The following ING5 variants were observed in gnomAD, a reference collection of about 807,000 sequenced individuals.
The protein encoded by ING5 is inhibitor of growth protein 5.
Under a neutral mutation model 37.4 loss-of-function variants are expected in ING5, and 17 were observed. That is an observed-to-expected ratio of 0.45 (90% CI 0.31 to 0.68). The LOEUF (loss-of-function observed/expected upper bound fraction) is 0.68. Among genes scored for constraint, ING5 ranks in the 30% least tolerant of loss-of-function variants. The probability of loss-of-function intolerance (pLI) is 0.05; values close to 1 mark genes in which losing one functional copy is unlikely to be tolerated. For missense variants in ING5, 233 were observed against 311.9 expected, an observed-to-expected ratio of 0.75 and a Z score of 1.91; for synonymous variants, 123 against 116.6, an observed-to-expected ratio of 1.06 and a Z score of -0.36.
chr2:241,719,738 G>A (rs1327972585), intron 5 of ING5: 2 of 1,460,910 alleles, frequency 1.4e-6, no homozygotes, highest in African/African-American at 2.8e-5. Flanking sequence ...CTCAGGAACA[G>A]CCAGCACCTC....
chr2:241,721,265 G>A (rs2124947600), intron 5 of ING5: 1 of 985,486 alleles, frequency 1.0e-6, no homozygotes, highest in South Asian at 4.7e-5. Flanking sequence ...GCTGTCAGAG[G>A]AGAGACCCGA....
At chr2:241,717,839 C>T (rs1367019392) in intron 5 of ING5, among the ~76,000 whole-genome samples, 2 of 151,958 alleles carry the variant, frequency 1.3e-5, no homozygotes, top group Admixed American at 1.3e-4. Flanking sequence ...TACTTTGCAT[C>T]GAATTTGGAA....
intron 1 of ING5, among the ~76,000 whole-genome samples, chr2:241,688,281 T>C (rs1030232112): frequency 6.9e-6 from 1 of 144,418 alleles, no homozygotes. Context: ...GCCAGAAATA[T>C]AGATGAAATT....
intron 5 of ING5, chr2:241,721,287 G>A (rs2070428705): frequency 1.0e-6 from 1 of 985,494 alleles, no homozygotes; most frequent in Non-Finnish European, 1.2e-6. Context: ...GACTACTTGA[G>A]ACTGTTGCTT....
chr2:241,690,706 C>T (rs1490291344), intron 2 of ING5: 1 of 398,106 alleles, frequency 2.5e-6, no homozygotes, highest in Non-Finnish European at 4.4e-6. Context: ...TCTGTGTGGT[C>T]AGAGATACAG....
chr2:241,701,989 C>A (rs1330740394), upstream of ING5: 2 of 1,077,736 alleles, frequency 1.9e-6, no homozygotes, highest in South Asian at 2.5e-5. Flanking sequence ...GAATAGTGAG[C>A]GCGCTGGCAC....
chr2:241,706,485 C>T (rs766962747), intron 2 of ING5, among the ~76,000 whole-genome samples: 4 of 151,860 alleles, frequency 2.6e-5, no homozygotes, highest in Admixed American at 6.6e-5. Flanking sequence ...CAAAATTAGC[C>T]GGGTGTGGTG....
chr2:241,718,015 T>G (rs1467070795), intron 5 of ING5, among the ~76,000 whole-genome samples: 1 of 152,208 alleles, frequency 6.6e-6, no homozygotes, highest in Non-Finnish European at 1.5e-5. Flanking sequence ...TTGTTTCTAT[T>G]ACTTTATTTA....
chr2:241,702,903 G>A (rs1221133232), intron 1 of ING5, among the ~76,000 whole-genome samples: 3 of 152,246 alleles, frequency 2.0e-5, no homozygotes, highest in South Asian at 4.1e-4. Flanking sequence ...GGTTGTGCCG[G>A]GTGGCTCTGG....
intron 2 of ING5, among the ~76,000 whole-genome samples, chr2:241,708,090 G>T (rs1368411570): frequency 6.6e-6 from 1 of 152,034 alleles, no homozygotes; most frequent in Non-Finnish European, 1.5e-5. Flanking sequence ...AAGAGACGGG[G>T]TTTCACCACA....
chr2:241,699,439 G>A (rs1229977154), upstream of ING5, among the ~76,000 whole-genome samples: 2 of 152,066 alleles, frequency 1.3e-5, no homozygotes, highest in Non-Finnish European at 2.9e-5. Flanking sequence ...TTTTAGGTGG[G>A]GGTCTCCGTC....
chr2:241,692,869 G>A (rs2069575120), intron 2 of ING5, among the ~76,000 whole-genome samples: 3 of 152,046 alleles, frequency 2.0e-5, no homozygotes, highest in East Asian at 3.9e-4. Flanking sequence ...CTCTTTCTCT[G>A]CTGCAAACCC....
intron 2 of ING5, among the ~76,000 whole-genome samples, chr2:241,693,535 G>A (rs2069588532): frequency 6.6e-6 from 1 of 151,978 alleles, no homozygotes; most frequent in Non-Finnish European, 1.5e-5. Context: ...GGCAGACGAT[G>A]GCAAGGCCCT....
intron 5 of ING5, chr2:241,719,607 T>C (rs2070375114): frequency 6.5e-7 from 1 of 1,535,902 alleles, no homozygotes; most frequent in Non-Finnish European, 8.7e-7. Flanking sequence ...GTGCTGTTTC[T>C]CAAGGGTATG....
chr2:241,692,022 CAG>C (rs2069564164), intron 2 of ING5, among the ~76,000 whole-genome samples: 2 of 151,890 alleles, frequency 1.3e-5, no homozygotes, highest in South Asian at 2.1e-4. Context: ...CACTCCAGCC[CAG>C]GTGACAGAGT....
intron 5 of ING5, chr2:241,720,470 T>C: frequency 9.8e-7 from 1 of 1,021,514 alleles, no homozygotes; most frequent in Non-Finnish European, 1.2e-6. Flanking sequence ...CCGTGTCTCG[T>C]CTGAGATCCC....
chr2:241,712,495 G>A (rs1456150365), intron 5 of ING5: 1 of 158,008 alleles, frequency 6.3e-6, no homozygotes, highest in African/African-American at 2.4e-5. Context: ...CATATAGTGT[G>A]CATATATTCA....
At chr2:241,717,258 A>G (rs2070300109) in intron 5 of ING5, among the ~76,000 whole-genome samples, 1 of 151,966 alleles carries the variant, frequency 6.6e-6, no homozygotes, top group Admixed American at 6.6e-5. Flanking sequence ...TTTAGTAGAG[A>G]TGGGGTTTTG....
upstream of ING5, among the ~76,000 whole-genome samples, chr2:241,701,808 G>A (rs1266445879): frequency 1.3e-5 from 2 of 152,040 alleles, no homozygotes; most frequent in Non-Finnish European, 2.9e-5. Flanking sequence ...GGTGGGGCCG[G>A]GAACCCCTGC....
Sources: gnomAD v4.1 joint callset for allele counts (sites outside exome capture counted in the v4.1 genomes callset) on GRCh38, gnomAD v4.1.1 for gene constraint, MANE v1.5 for transcripts, NCBI Gene and HGNC (gene_info 2026-07-23, HGNC 2026-07-21) for gene names.